ZC3H7B: variants seen among roughly 807,000 people sequenced by gnomAD.
ZC3H7B encodes the protein zinc finger CCCH domain-containing protein 7B.
In ZC3H7B, 35 loss-of-function variants were observed where a neutral mutation model predicts 116.0. The observed-to-expected ratio is 0.30, with a 90% CI of 0.23 to 0.40. ZC3H7B has a LOEUF of 0.40. Ranked by LOEUF, ZC3H7B falls within the 10% of genes least tolerant of loss-of-function variation. ZC3H7B has a pLI of 1.00. For missense variants in ZC3H7B, 1,011 were observed against 1,321.5 expected (o/e 0.77, Z 3.64); for synonymous variants, 502 against 545.6 (o/e 0.92, Z 1.11).
At chr22:41,318,172 T>C (rs1229384402) in intron 1 of ZC3H7B, among the ~76,000 whole-genome samples, 1 of 152,058 alleles carries the variant, frequency 6.6e-6, no homozygotes, top group African/African-American at 2.4e-5. Context: ...ACGTGGCTCA[T>C]GCCTGTCATC....
At chr22:41,317,794 A>G (rs1445871991) in intron 1 of ZC3H7B, among the ~76,000 whole-genome samples, 1 of 151,966 alleles carries the variant, frequency 6.6e-6, no homozygotes, top group Non-Finnish European at 1.5e-5. Context: ...AAAACAAAGA[A>G]ATTTTTTTCC....
rs2036328187 is a variant in ZC3H7B, at chr22:41,327,063, G to A, written c.286-143G>A. 2.5e-6 allele frequency: 3 copies of A among 1,197,076 alleles called. No individual in the cohort carries two copies. The highest frequency in any genetic ancestry group is 3.1e-5 in the South Asian group (2 of 65,446). 74.2% of individuals were successfully genotyped at this position (1,197,076 alleles called of 1,614,324 possible). On this transcript the variant is annotated intron_variant, in intron 4 of 22. Coordinates refer to ENST00000352645, the MANE Select transcript of ZC3H7B (RefSeq NM_017590.6). The surrounding 1 kb of genome is among the most constrained non-coding windows in gnomAD (Gnocchi z 4.5). ...GTGCTTCCTTCTCTCCTGGAGCCTC[G>A]AGCCCTGTCCCTGACCCAAGACTTC...
rs951569906 is a variant in ZC3H7B at position 41,358,063 on chromosome 22, C to T, written c.*634C>T. ...TGCCACCACCTGAACCCTGCTCCCT[C>T]GTGGGCCAGTGAAAATAGACTGTAG... On this transcript the variant is annotated 3_prime_UTR_variant, in exon 23 of 23. Transcript: ENST00000352645. 2.0e-5 allele frequency: 3 copies of T among 153,732 alleles called. No individual in the cohort carries two copies. The highest frequency in any genetic ancestry group is 7.2e-5 in the African/African-American group (3 of 41,420). 9.5% of individuals were successfully genotyped at this position (153,732 alleles called of 1,614,324 possible). A position where few individuals can be genotyped will look rare whatever the true frequency, so the allele number is the denominator to read the frequency against.
intron 4 of ZC3H7B, among the ~76,000 whole-genome samples, chr22:41,326,811 T>G (rs561296004): frequency 6.6e-6 from 1 of 152,328 alleles, no homozygotes; most frequent in Admixed American, 6.5e-5. Context: ...CCTTGTACAC[T>G]CTGCACACAG....
intron 7 of ZC3H7B, among the ~76,000 whole-genome samples, chr22:41,337,425 T>C (rs115614451): frequency 0.011 from 1,731 of 152,254 alleles, 33 homozygotes; most frequent in African/African-American, 0.04. Flanking sequence ...CCTGATAGCC[T>C]TCCCCAGCGG....
At chr22:41,343,614 G>T in intron 13 of ZC3H7B, 38 bp downstream of exon 13, 2 of 1,539,316 alleles carry the variant, frequency 1.3e-6, no homozygotes, top group Non-Finnish European at 8.8e-7. Flanking sequence ...CACAGCTGGG[G>T]CCCAGCCCCT....
In ZC3H7B at chr22:41,338,399, G is replaced by C; in HGVS notation, c.625+44G>C. On this transcript the variant is annotated intron_variant, in intron 8 of 22. Transcript: ENST00000352645. The surrounding 1 kb of genome is among the most constrained non-coding windows in gnomAD (Gnocchi z 4.5). ...GGGAACAAGTGGAAATTGGGGCCCC[G>C]AGAGGTCAGGGGAGTCGAGCCCCCT... 1.2e-6 allele frequency: 2 copies of C among 1,604,618 alleles called. No individual in the cohort carries two copies. The highest frequency in any genetic ancestry group is 2.2e-5 in the South Asian group (2 of 89,544).
chr22:41,356,958 GGT>G (rs2036729811), intron 22 of ZC3H7B, 150 bp downstream of exon 22: 1 of 1,354,544 alleles, frequency 7.4e-7, no homozygotes, highest in African/African-American at 1.4e-5. Context: ...GGTGGGGAAG[GGT>G]GGATGGGAGG....
chr22:41,304,542 T>C (rs1730094256), intron 1 of ZC3H7B, among the ~76,000 whole-genome samples: 1 of 152,178 alleles, frequency 6.6e-6, no homozygotes, highest in Non-Finnish European at 1.5e-5. Context: ...TTGATTCTAG[T>C]GAACCAATGA....
rs2036536607 is a variant in ZC3H7B, at chr22:41,342,645, A to T, written c.1297+17A>T. On this transcript the variant is annotated intron_variant, in intron 12 of 22. Transcript: ENST00000352645. Reference sequence around the variant, plus strand: ...CCAAGACAGGTAAACTTTCACCTGTAGACTCCACCCCTCTGCCCAGAGAAC... The same window carrying T: ...CCAAGACAGGTAAACTTTCACCTGTTGACTCCACCCCTCTGCCCAGAGAAC... The T allele has an allele frequency of 6.3e-7, 1 of 1,599,950 alleles. No homozygotes were observed. Among genetic ancestry groups the T allele is most frequent in the African/African-American group, 1.3e-5 (1 of 74,704 alleles).
chr22:41,358,590 CTCTT>C lies in ZC3H7B; in HGVS notation c.*1166_*1169del, dbSNP rs1601801841. 2 of 152,418 alleles carry C rather than the reference CTCTT, an allele frequency of 1.3e-5. No individual in the cohort carries two copies. Among genetic ancestry groups the C allele is most frequent in the African/African-American group, 2.4e-5 (1 of 41,376 alleles). 9.4% of individuals were successfully genotyped at this position (152,418 alleles called of 1,614,324 possible). On this transcript the variant is annotated 3_prime_UTR_variant, in exon 23 of 23. Coordinates refer to ENST00000352645, the MANE Select transcript of ZC3H7B (RefSeq NM_017590.6). The stretch of plus-strand genomic sequence containing the variant: ...GCCACTCCAGGATGGGACACGGCCC[CTCTT>C]TCTTGGGGACCCAGTATGTCCTCTC...
chr22:41,335,694 C>T (rs2036436425), intron 7 of ZC3H7B: 1 of 152,456 alleles, frequency 6.6e-6, no homozygotes, highest in South Asian at 2.1e-4. Flanking sequence ...ACACATTTGC[C>T]ATGTGCTCTA....
At position 41,325,788 on chromosome 22, in the gene ZC3H7B, A is replaced by G. The variant is rs73176674; in HGVS notation, c.155A>G (p.Tyr52Cys). Residue 52 changes from tyrosine (Y) to cysteine (C), a missense_variant, in exon 4 of 23, where the codon TAT becomes TGT. Physicochemically the swap from Tyr to Cys is radical, Grantham distance 194. Coordinates refer to ENST00000352645, the MANE Select transcript of ZC3H7B (RefSeq NM_017590.6). ...AATGATCTGTTCCGGGAGAAGGACT[A>G]TAAGCAGGCTCTGGTGCAGTACATG... is the stretch of plus-strand genomic sequence containing the variant. ...EGNDLFREKD[Y>C]KQALVQYMEG... The G allele has an allele frequency of 4.3e-5, 69 of 1,613,918 alleles. No individual in the cohort carries two copies. Among genetic ancestry groups the G allele is most frequent in the Middle Eastern group, 1.7e-4 (1 of 5,958 alleles).
intron 17 of ZC3H7B, among the ~76,000 whole-genome samples, chr22:41,353,997 G>A (rs2036683385): frequency 6.6e-6 from 1 of 152,230 alleles, no homozygotes; most frequent in African/African-American, 2.4e-5. Flanking sequence ...TCAGGAGGCT[G>A]TGGCAGAAGG....
intron 7 of ZC3H7B, chr22:41,335,665 A>C (rs1156985672): frequency 6.6e-6 from 1 of 152,348 alleles, no homozygotes; most frequent in East Asian, 1.9e-4. Context: ...GTGGGCAGAC[A>C]CTCCGGAGAC....
intron 1 of ZC3H7B, among the ~76,000 whole-genome samples, chr22:41,307,178 A>C (rs188163536): frequency 6.6e-6 from 1 of 151,700 alleles, no homozygotes; most frequent in Non-Finnish European, 1.5e-5. Flanking sequence ...GTGTTTCACC[A>C]TGTTGGTCAG....
intron 15 of ZC3H7B, among the ~76,000 whole-genome samples, 199 bp downstream of exon 15, chr22:41,348,366 C>T (rs755729092): frequency 2.0e-5 from 3 of 152,226 alleles, no homozygotes; most frequent in African/African-American, 4.8e-5. Context: ...ATATTCCAAG[C>T]GTCATCTTGG....
chr22:41,305,746 G>C (rs1267866193), intron 1 of ZC3H7B, among the ~76,000 whole-genome samples: 1 of 152,162 alleles, frequency 6.6e-6, no homozygotes, highest in Non-Finnish European at 1.5e-5. Flanking sequence ...GTTCCTTAGT[G>C]CCTGCTGGGT....
chr22:41,355,777 T>C lies in ZC3H7B; in HGVS notation c.2189T>C (p.Val730Ala), dbSNP rs76489984. Residue 730 changes from valine to alanine, a missense_variant, in exon 19 of 23, where the codon GTC becomes GCC. This residue lies in a region of ZC3H7B where 406 missense variants were observed against 590.2 expected (regional missense o/e 0.69). Transcript: ENST00000352645. ...ARHCWTKERR[V>A]LLVMSKAKRK... ...TGCAGCTGGACCAAGGAGCGGCGGG[T>C]CCTTCTGGTGATGTCCAAGGCCAAG... is the stretch of plus-strand genomic sequence containing the variant. 2.5e-6 allele frequency: 4 copies of C among 1,597,094 alleles called. No homozygotes were observed. The highest frequency in any genetic ancestry group is 1.1e-5 in the South Asian group (1 of 89,030).
Sources: allele counts gnomAD v4.1 joint callset (sites outside exome capture counted in the v4.1 genomes callset), GRCh38; gene constraint gnomAD v4.1.1; regional missense constraint gnomAD v4.1.1; non-coding constraint Gnocchi (gnomAD v3.1); transcripts MANE v1.5; gene names NCBI Gene and HGNC (gene_info 2026-07-23, HGNC 2026-07-21).